Variants in LRRC37A2 observed in about 807,000 individuals in gnomAD.
LRRC37A2 encodes the protein leucine-rich repeat-containing protein 37A2.
In LRRC37A2, 9 loss-of-function variants were observed where a neutral mutation model predicts 68.8. The observed-to-expected ratio is 0.13, with a 90% CI of 0.08 to 0.23. LRRC37A2 has a LOEUF of 0.23. Among genes scored for constraint, LRRC37A2 ranks in the 10% least tolerant of loss-of-function variants. The pLI is 1.00. For synonymous variants in LRRC37A2, 63 were observed against 367.6 expected, an observed-to-expected ratio of 0.17 and a Z score of 9.48; for missense variants, 168 against 950.4, an observed-to-expected ratio of 0.18 and a Z score of 10.82.
chr17:46,899,829 G>A, the LRRC37A2 span, among the ~76,000 whole-genome samples: 48 of 152,172 alleles, frequency 3.2e-4, no homozygotes, highest in African/African-American at 9.6e-4. Flanking sequence ...TGTTAAGCAG[G>A]TTGATTGCTG....
chr17:46,918,187 C>T, the LRRC37A2 span, among the ~76,000 whole-genome samples: 6 of 152,204 alleles, frequency 3.9e-5, no homozygotes, highest in Admixed American at 2.6e-4. Flanking sequence ...TCAAGCAATT[C>T]TCCTGCCTCA....
the LRRC37A2 span, among the ~76,000 whole-genome samples, chr17:46,997,176 C>G: frequency 6.6e-6 from 1 of 151,978 alleles, no homozygotes; most frequent in African/African-American, 2.4e-5. Context: ...CATGGTGAAA[C>G]CCCATCTGTA....
the LRRC37A2 span, chr17:46,755,707 A>G: frequency 5.1e-5 from 68 of 1,342,442 alleles, no homozygotes; most frequent in Non-Finnish European, 6.5e-5. Flanking sequence ...GATAACCATT[A>G]AGAAGCTTTT....
chr17:46,831,698 T>A, the LRRC37A2 span: 1 of 152,192 alleles, frequency 6.6e-6, no homozygotes, highest in African/African-American at 2.4e-5. Context: ...CCGGGTCCCC[T>A]CCAGTGAAGA....
chr17:46,945,239 G>A, the LRRC37A2 span, among the ~76,000 whole-genome samples: 58 of 152,300 alleles, frequency 3.8e-4, no homozygotes, highest in African/African-American at 1.4e-3. Context: ...TCTTCTGCAC[G>A]ACATCCTCCA....
the LRRC37A2 span, among the ~76,000 whole-genome samples, chr17:46,737,597 GTGTGTGT>G: frequency 6.6e-6 from 1 of 151,830 alleles, no homozygotes; most frequent in Non-Finnish European, 1.5e-5. Flanking sequence ...GTGTGTGTGT[GTGTGTGT>G]TTTCTGATCC....
the LRRC37A2 span, among the ~76,000 whole-genome samples, chr17:47,002,030 C>T: frequency 9.9e-5 from 15 of 152,260 alleles, no homozygotes; most frequent in South Asian, 4.1e-4. Flanking sequence ...TGAGCCACCA[C>T]GCCTGGTCCT....
chr17:46,408,429 T>A, the LRRC37A2 span, among the ~76,000 whole-genome samples: 36 of 34,590 alleles, frequency 1.0e-3, no homozygotes, highest in South Asian at 6.6e-3. Flanking sequence ...TTTTTTTTTT[T>A]TTTACAGGTA....
chr17:46,861,047 CG>C, the LRRC37A2 span, among the ~76,000 whole-genome samples: 2 of 152,100 alleles, frequency 1.3e-5, no homozygotes, highest in Non-Finnish European at 2.9e-5. Context: ...TATAGGTGTG[CG>C]TGTTGGGGGG....
At chr17:46,941,900 G>A in the LRRC37A2 span, 2 of 984,118 alleles carry the variant, frequency 2.0e-6, no homozygotes, top group African/African-American at 1.7e-5. Flanking sequence ...AGGTGATTCT[G>A]ATGTGTGTAT....
At chr17:46,934,378 T>C in the LRRC37A2 span, among the ~76,000 whole-genome samples, 12 of 152,248 alleles carry the variant, frequency 7.9e-5, no homozygotes, top group East Asian at 2.3e-3. Context: ...AGAAAAAAGC[T>C]GGGCATGGTA....
the LRRC37A2 span, among the ~76,000 whole-genome samples, chr17:46,476,439 T>TG: frequency 1.2e-4 from 11 of 88,700 alleles, 5 homozygotes; most frequent in Non-Finnish European, 2.9e-4. Flanking sequence ...CCCAGCACTT[T>TG]GGGAGGCTGA....
chr17:46,851,290 C>T, the LRRC37A2 span, among the ~76,000 whole-genome samples: 8 of 151,886 alleles, frequency 5.3e-5, no homozygotes, highest in African/African-American at 1.9e-4. The surrounding 1 kb of genome is among the most constrained non-coding windows in gnomAD (Gnocchi z 4.3). Flanking sequence ...CGCCTCGTAC[C>T]CTCCTCCCCG....
the LRRC37A2 span, among the ~76,000 whole-genome samples, chr17:46,809,042 C>T: frequency 6.6e-6 from 1 of 152,038 alleles, no homozygotes. Context: ...CTTTTAAAGT[C>T]AGAGAGAGGA....
the LRRC37A2 span, among the ~76,000 whole-genome samples, chr17:46,839,022 C>T: frequency 6.6e-5 from 10 of 152,058 alleles, no homozygotes; most frequent in Non-Finnish European, 8.8e-5. Flanking sequence ...GGATTACAGG[C>T]GCCCGCCACC....
chr17:46,814,226 G>A, the LRRC37A2 span, among the ~76,000 whole-genome samples: 1 of 152,212 alleles, frequency 6.6e-6, no homozygotes, highest in African/African-American at 2.4e-5. Flanking sequence ...TGAGAGTCTA[G>A]AACTTTCCCT....
At chr17:46,770,183 G>A in the LRRC37A2 span, 2 of 1,235,506 alleles carry the variant, frequency 1.6e-6, no homozygotes, top group South Asian at 1.6e-5. Flanking sequence ...TGAGGCAAGA[G>A]GGAGGCAGCT....
chr17:46,907,771 G>A, the LRRC37A2 span, among the ~76,000 whole-genome samples: 68 of 151,048 alleles, frequency 4.5e-4, no homozygotes, highest in Non-Finnish European at 8.4e-4. Flanking sequence ...CAGAAGGATC[G>A]CTTGAGCCCA....
the LRRC37A2 span, among the ~76,000 whole-genome samples, chr17:46,900,055 A>T: frequency 1.3e-5 from 2 of 150,942 alleles, no homozygotes; most frequent in Non-Finnish European, 2.9e-5. Context: ...CACACAGCAC[A>T]GTGCCTGGGG....
Sources: allele counts gnomAD v4.1 joint callset (sites outside exome capture counted in the v4.1 genomes callset), GRCh38; gene constraint gnomAD v4.1.1; non-coding constraint Gnocchi (gnomAD v3.1); transcripts MANE v1.5; gene names NCBI Gene and HGNC (gene_info 2026-07-23, HGNC 2026-07-21).